The following CELF2 variants were observed in gnomAD, a reference collection of about 807,000 sequenced individuals.
CELF2 encodes the protein CUGBP Elav-like family member 2.
CELF2 carries 8 observed loss-of-function variants against 62.6 expected under a neutral mutation model. The ratio of observed to expected loss-of-function variants is 0.13; its 90% CI spans 0.07 to 0.23. CELF2 has a LOEUF of 0.23. Among genes scored for constraint, CELF2 ranks in the 10% least tolerant of loss-of-function variants. CELF2 has a pLI of 1.00. For synonymous variants in CELF2, 258 were observed against 250.0 expected (o/e 1.03, Z -0.30); for missense variants, 333 against 671.0 (o/e 0.50, Z 5.56).
At chr10:10,579,581 G>A in the CELF2 span, among the ~76,000 whole-genome samples, 5 of 152,012 alleles carry the variant, frequency 3.3e-5, no homozygotes, top group Admixed American at 6.6e-5. Flanking sequence ...ACATATTTGT[G>A]GCCTAAAATA....
At chr10:10,741,541 C>G in the CELF2 span, among the ~76,000 whole-genome samples, 4 of 141,824 alleles carry the variant, frequency 2.8e-5, no homozygotes, top group East Asian at 4.5e-4. Context: ...TTGGAGAATA[C>G]TCATCGGTTG....
chr10:11,056,801 G>A (rs2065347309), intron 1 of CELF2, among the ~76,000 whole-genome samples: 1 of 152,160 alleles, frequency 6.6e-6, no homozygotes. Flanking sequence ...GATTGATCAG[G>A]CATTCTAATC....
intron 1 of CELF2, among the ~76,000 whole-genome samples, chr10:10,816,505 A>G (rs1244171480): frequency 6.6e-6 from 1 of 152,144 alleles, no homozygotes; most frequent in Admixed American, 6.5e-5. Context: ...CCCTTTTCCT[A>G]TAATTATTTT....
At chr10:10,583,119 G>A in the CELF2 span, among the ~76,000 whole-genome samples, 162 of 152,260 alleles carry the variant, frequency 1.1e-3, no homozygotes, top group African/African-American at 3.6e-3. Context: ...TCAAATATTC[G>A]AAGGCCTTGC....
At chr10:10,693,742 G>T in the CELF2 span, among the ~76,000 whole-genome samples, 1 of 151,448 alleles carries the variant, frequency 6.6e-6, no homozygotes, top group Admixed American at 6.6e-5. Context: ...AGTCTTGGGA[G>T]AGTGTATGTG....
At chr10:10,669,028 T>C in the CELF2 span, among the ~76,000 whole-genome samples, 2 of 152,180 alleles carry the variant, frequency 1.3e-5, no homozygotes, top group East Asian at 3.9e-4. Context: ...AGTTGGTTTG[T>C]CCTAAAGGGG....
rs533209880 is a variant in CELF2 at position 10,840,588 on chromosome 10, A to G, written c.53+41771A>G. On this transcript the variant is annotated intron_variant, in intron 1 of 13. Coordinates refer to the CELF2 transcript ENST00000636488. Reference sequence around the variant, plus strand: ...GCTGAGTTGTAATAGTTCTTTGTATATTTTGGATACAAGTCCTTTATCAGA... The same window carrying G: ...GCTGAGTTGTAATAGTTCTTTGTATGTTTTGGATACAAGTCCTTTATCAGA... 2.0e-5 allele frequency among the ~76,000 whole-genome samples: 3 copies of G among 152,162 alleles called. No individual in the cohort carries two copies. The South Asian group carries it at 6.2e-4, about 32-fold the overall frequency.
In CELF2 at chr10:11,197,041, GA is replaced by G. The variant is rs373708162; in HGVS notation, c.272-20381del. On this transcript the variant is annotated intron_variant, in intron 2 of 12. Transcript: ENST00000633077. ...GAAAGAAAGAAAAGAAAGAAAGAAA[GA>G]AAGAAAGAAAGAAAGAAAAGAAAGA... is the stretch of plus-strand genomic sequence containing the variant. 6.3e-4 allele frequency among the ~76,000 whole-genome samples: 11 copies of G among 17,440 alleles called. 3 individuals carry two copies. Among genetic ancestry groups the G allele is most frequent in the Non-Finnish European group, 1.0e-3 (6 of 5,920 alleles). The allele number at this position is 17,440 out of a possible 152,430, so 11.4% of individuals were successfully genotyped here.
chr10:10,956,805 G>A (rs1042540869), intron 2 of CELF2, among the ~76,000 whole-genome samples: 4 of 152,160 alleles, frequency 2.6e-5, no homozygotes, highest in South Asian at 2.1e-4. Flanking sequence ...GTTGTGGTGT[G>A]CACCTATAGT....
the CELF2 span, among the ~76,000 whole-genome samples, chr10:10,740,153 C>CTTTTTTTTT: frequency 1.1e-4 from 10 of 94,448 alleles, 1 homozygote; most frequent in African/African-American, 3.1e-4. Context: ...GTTGCCTGTG[C>CTTTTTTTTT]TTTTTTTTTT....
At position 11,319,318 on chromosome 10, in the gene CELF2, C is replaced by A; in HGVS notation, c.1097-1871C>A. The A allele has an allele frequency of 2.8e-6, 1 of 354,902 alleles. No homozygotes were observed. Among genetic ancestry groups the A allele is most frequent in the East Asian group, 7.6e-5 (1 of 13,152 alleles). 22.0% of individuals were successfully genotyped at this position (354,902 alleles called of 1,614,324 possible). A position where few individuals can be genotyped will look rare whatever the true frequency, so the allele number is the denominator to read the frequency against. On this transcript the variant is annotated intron_variant, in intron 10 of 12. Coordinates refer to ENST00000633077, the MANE Select transcript of CELF2 (RefSeq NM_001326342.2). The surrounding 1 kb of genome is among the most constrained non-coding windows in gnomAD (Gnocchi z 4.4). ...AAAAAACACGGAAGTTCCTTTGCAT[C>A]ACACAAATAGTGGGAGGTGAGGATG...
intron 1 of CELF2, among the ~76,000 whole-genome samples, chr10:10,898,060 C>T (rs1167167455): frequency 6.6e-6 from 1 of 152,170 alleles, no homozygotes; most frequent in Non-Finnish European, 1.5e-5. Flanking sequence ...ATGGAACCTT[C>T]TCTGTTGGGT....
chr10:10,771,482 C>T, the CELF2 span, among the ~76,000 whole-genome samples: 9 of 152,294 alleles, frequency 5.9e-5, no homozygotes, highest in East Asian at 1.9e-4. Context: ...CCTGCTGATA[C>T]GGTTTGGCTG....
At chr10:11,273,976 C>T (rs371736148) in intron 7 of CELF2, among the ~76,000 whole-genome samples, 1 of 145,428 alleles carries the variant, frequency 6.9e-6, no homozygotes, top group Admixed American at 6.8e-5. Flanking sequence ...CCACCCCCCC[C>T]CCCCACCTTG....
intron 2 of CELF2, among the ~76,000 whole-genome samples, chr10:10,999,869 TG>T (rs1482911207): frequency 6.6e-6 from 1 of 152,250 alleles, no homozygotes; most frequent in Non-Finnish European, 1.5e-5. Context: ...CACATTTGGA[TG>T]CCCAGATAAT....
At chr10:10,643,913 A>C in the CELF2 span, among the ~76,000 whole-genome samples, 1 of 152,210 alleles carries the variant, frequency 6.6e-6, no homozygotes, top group Non-Finnish European at 1.5e-5. Context: ...ATCGTAACCC[A>C]TTAAATTAGT....
At chr10:11,115,410 C>G (rs147384835) in intron 1 of CELF2, among the ~76,000 whole-genome samples, 107 of 152,274 alleles carry the variant, frequency 7.0e-4, no homozygotes, top group Middle Eastern at 3.4e-3. Context: ...ATTAGGAATT[C>G]TTGCCCTTTC....
At chr10:10,699,212 C>T in the CELF2 span, among the ~76,000 whole-genome samples, 1 of 152,120 alleles carries the variant, frequency 6.6e-6, no homozygotes, top group Non-Finnish European at 1.5e-5. Context: ...TATATATACA[C>T]ATACATATCA....
At chr10:11,212,107 G>C (rs368184326) in intron 2 of CELF2, among the ~76,000 whole-genome samples, 5 of 152,094 alleles carry the variant, frequency 3.3e-5, no homozygotes, top group African/African-American at 1.2e-4. Context: ...TTATAATACT[G>C]ATTACAGATT....
Sources: gnomAD v4.1 joint callset for allele counts (sites outside exome capture counted in the v4.1 genomes callset) on GRCh38, gnomAD v4.1.1 for gene constraint, Gnocchi (gnomAD v3.1) non-coding constraint, MANE v1.5 for transcripts, NCBI Gene and HGNC (gene_info 2026-07-23, HGNC 2026-07-21) for gene names.